Variants in HTR3A observed in about 807,000 individuals in gnomAD.
HTR3A encodes the protein 5-hydroxytryptamine receptor 3A.
HTR3A carries 45 observed loss-of-function variants against 54.8 expected under a neutral mutation model. The observed-to-expected ratio is 0.82, with a 90% CI of 0.65 to 1.05. The LOEUF is 1.05. Ranked by LOEUF, HTR3A falls within the 50% of genes least tolerant of loss-of-function variation. The pLI is 0.00. For synonymous variants in HTR3A, 297 were observed against 256.0 expected (o/e 1.16, Z -1.53); for missense variants, 657 against 614.0 (o/e 1.07, Z -0.74).
chr11:113,979,122 A>T, intron 2 of HTR3A, 111 bp from the exon 3 acceptor site: 1 of 859,132 alleles, frequency 1.2e-6, no homozygotes, highest in Admixed American at 1.8e-5. Flanking sequence ...CTTCACTTTC[A>T]CTTCCCAAAG....
rs1357758202 is a variant in HTR3A at position 113,989,987 on chromosome 11, C to T, written c.*224C>T. ...TCAAGGCCCTTACACCCTTGTCCCA[C>T]CCCCAGCAGCTCACCATGGCTTTAA... On this transcript the variant is annotated 3_prime_UTR_variant, in exon 9 of 9. Transcript: ENST00000504030. The surrounding 1 kb of genome is among the most constrained non-coding windows in gnomAD (Gnocchi z 4.4). 5.8e-6 allele frequency: 4 copies of T among 685,320 alleles called. No individual in the cohort carries two copies. Among genetic ancestry groups the T allele is most frequent in the Non-Finnish European group, 1.1e-5 (4 of 376,718 alleles). 42.5% of individuals were successfully genotyped at this position (685,320 alleles called of 1,614,324 possible).
chr11:113,978,670 A>G lies in HTR3A; in HGVS notation c.220-563A>G, dbSNP rs935260140. 1.4e-4 allele frequency among the ~76,000 whole-genome samples: 21 copies of G among 152,316 alleles called. No homozygotes were observed. The East Asian group carries it at 4.1e-3, about 29-fold the overall frequency. Reference sequence around the variant, plus strand: ...ACAGACGTAAGACACTGCTCCCGGCATTATATGTATATTAGAAGTTGAAAC... The same window carrying G: ...ACAGACGTAAGACACTGCTCCCGGCGTTATATGTATATTAGAAGTTGAAAC... On this transcript the variant is annotated intron_variant, in intron 2 of 8. Transcript: ENST00000504030.
At chr11:113,980,202 C>T (rs1438314479) in intron 3 of HTR3A, among the ~76,000 whole-genome samples, 2 of 152,220 alleles carry the variant, frequency 1.3e-5, no homozygotes, top group Non-Finnish European at 2.9e-5. Flanking sequence ...ACCTCTGGAG[C>T]TCTAGGGCCA....
At chr11:113,984,140 C>T (rs1454621717) in intron 5 of HTR3A, among the ~76,000 whole-genome samples, 8 of 152,184 alleles carry the variant, frequency 5.3e-5, no homozygotes, top group Admixed American at 5.2e-4. Context: ...CCCAACCACA[C>T]CTAGCCTGGC....
At chr11:113,975,480 G>A in intron 1 of HTR3A, 88 bp downstream of exon 1, 1 of 1,114,280 alleles carries the variant, frequency 9.0e-7, no homozygotes, top group Non-Finnish European at 1.3e-6. Flanking sequence ...GGGCTGTGGA[G>A]AGGAGGGTGG....
At position 113,983,004 on chromosome 11, in the gene HTR3A, C is replaced by T. The variant is rs546046517; in HGVS notation, c.375-116C>T. 22 of 1,192,182 alleles carry T rather than the reference C, an allele frequency of 1.8e-5. 1 individual carries two copies. The highest frequency in any genetic ancestry group is 7.4e-5 in the South Asian group (6 of 80,660). The allele number at this position is 1,192,182 out of a possible 1,614,324, so 73.9% of individuals were successfully genotyped here. A position where few individuals can be genotyped will look rare whatever the true frequency, so the allele number is the denominator to read the frequency against. On this transcript the variant is annotated intron_variant, in intron 4 of 8. Coordinates refer to ENST00000504030, the MANE Select transcript of HTR3A (RefSeq NM_000869.6). ...GGCCAGGCAAAACATCCAGGTTATCCGGCTGCCTATACCCTCCCCGAACTT... is the reference window on the plus strand; with the variant it reads ...GGCCAGGCAAAACATCCAGGTTATCTGGCTGCCTATACCCTCCCCGAACTT...
chr11:113,981,022 A>G, intron 3 of HTR3A, 181 bp from the exon 4 acceptor site: 1 of 621,896 alleles, frequency 1.6e-6, no homozygotes, highest in Non-Finnish European at 2.9e-6. Flanking sequence ...GCAGAGTGTG[A>G]ATGAAGAGGT....
intron 3 of HTR3A, among the ~76,000 whole-genome samples, chr11:113,980,406 G>A (rs927638463): frequency 1.3e-4 from 20 of 152,370 alleles, no homozygotes; most frequent in African/African-American, 3.8e-4. Context: ...AGGACAAGGT[G>A]CTAACTATGG....
intron 8 of HTR3A, among the ~76,000 whole-genome samples, chr11:113,988,998 G>A (rs1950522474): frequency 6.6e-6 from 1 of 152,052 alleles, no homozygotes; most frequent in African/African-American, 2.4e-5. Flanking sequence ...CAGTCATACT[G>A]GTTTTTCAAT....
chr11:113,978,027 C>T, intron 2 of HTR3A, 105 bp downstream of exon 2: 1 of 1,343,556 alleles, frequency 7.4e-7, no homozygotes, highest in Non-Finnish European at 1.1e-6. Flanking sequence ...TTTGAGAACC[C>T]ATAGGACCTA....
chr11:113,979,390 CA>C lies in HTR3A; in HGVS notation c.264+114del, dbSNP rs565764623. On this transcript the variant is annotated intron_variant, in intron 3 of 8. Coordinates refer to ENST00000504030, the MANE Select transcript of HTR3A (RefSeq NM_000869.6). ...GAAGGTGAGCGGAGAGGCTGAGGGG[CA>C]CCCTCAGCCTGAGATCCAGGAGTGT... The C allele has an allele frequency of 4.8e-3, 3,794 of 788,656 alleles. 16 individuals carry two copies. The highest frequency in any genetic ancestry group is 6.6e-3 in the Non-Finnish European group (2,970 of 447,942). 48.9% of individuals were successfully genotyped at this position (788,656 alleles called of 1,614,324 possible).
chr11:113,976,569 G>GTT (rs1555114706), intron 1 of HTR3A, among the ~76,000 whole-genome samples: 1 of 55,608 alleles, frequency 1.8e-5, no homozygotes, highest in East Asian at 6.1e-4. Context: ...TTAAAAAATA[G>GTT]TTTGTGTGTG....
chr11:113,979,930 G>T (rs1224386195), intron 3 of HTR3A, among the ~76,000 whole-genome samples: 1 of 152,192 alleles, frequency 6.6e-6, no homozygotes, highest in African/African-American at 2.4e-5. Context: ...GCTCACAGAG[G>T]TCATGCCCAA....
Position 113,989,860 on chromosome 11 carries a change from C to T in HTR3A, c.*97C>T, listed in dbSNP as rs1000771764. 7.5e-7 allele frequency: 1 copy of T among 1,327,930 alleles called. No homozygotes were observed. The highest frequency in any genetic ancestry group is 1.1e-6 in the Non-Finnish European group (1 of 934,296). The allele number at this position is 1,327,930 out of a possible 1,614,324, so 82.3% of individuals were successfully genotyped here. On this transcript the variant is annotated 3_prime_UTR_variant, in exon 9 of 9. Coordinates refer to ENST00000504030, the MANE Select transcript of HTR3A (RefSeq NM_000869.6). This position sits in a 1 kb window ranked among gnomAD's most constrained non-coding sequence, Gnocchi z 4.4. ...CTCAGGACCCAGGGAATGCCAGGGACATTTTCAAGACACAGACAAAGTCCC... is the reference window on the plus strand; with the variant it reads ...CTCAGGACCCAGGGAATGCCAGGGATATTTTCAAGACACAGACAAAGTCCC...
chr11:113,987,131 C>A, intron 8 of HTR3A, 85 bp downstream of exon 8: 1 of 1,400,038 alleles, frequency 7.1e-7, no homozygotes, highest in Non-Finnish European at 9.9e-7. Context: ...CGTGGCCTGC[C>A]AAGGAGGTGC....
In HTR3A at chr11:113,990,282, G is replaced by C. The variant is rs933095503; in HGVS notation, c.*519G>C. The C allele has an allele frequency of 9.6e-5, 42 of 435,308 alleles. No homozygotes were observed. Among genetic ancestry groups the C allele is most frequent in the African/African-American group, 8.3e-4 (41 of 49,372 alleles). 27.0% of individuals were successfully genotyped at this position (435,308 alleles called of 1,614,324 possible). A position where few individuals can be genotyped will look rare whatever the true frequency, so the allele number is the denominator to read the frequency against. ...ACTCATCCCCCATCAGATGATGGGA[G>C]TGGGAAGAATAAAATGCAGTGAAAC... On this transcript the variant is annotated 3_prime_UTR_variant, in exon 9 of 9. Transcript: ENST00000504030.
intron 4 of HTR3A, among the ~76,000 whole-genome samples, chr11:113,982,200 C>T (rs184377477): frequency 1.3e-5 from 2 of 152,276 alleles, no homozygotes; most frequent in African/African-American, 2.4e-5. Flanking sequence ...TCATTCAGGG[C>T]CCACCAACTG....
rs1950523334 is a variant in HTR3A at position 113,989,122 on chromosome 11, G to A, written c.1139-343G>A. 6.6e-6 allele frequency among the ~76,000 whole-genome samples: 1 copy of A among 151,990 alleles called. No homozygotes were observed. The highest frequency in any genetic ancestry group is 1.5e-5 in the Non-Finnish European group (1 of 68,022). On this transcript the variant is annotated intron_variant, in intron 8 of 8. Transcript: ENST00000504030. This position sits in a 1 kb window ranked among gnomAD's most constrained non-coding sequence, Gnocchi z 4.4. Reference sequence around the variant, plus strand: ...CACCTGTAATCCCAGCACCACGGGAGGCCAAAGTAGGCGGATCACTTGAGG... The same window carrying A: ...CACCTGTAATCCCAGCACCACGGGAAGCCAAAGTAGGCGGATCACTTGAGG...
At position 113,983,101 on chromosome 11, in the gene HTR3A, A is replaced by G; in HGVS notation, c.375-19A>G. ...CCCTGTCTCTTGAGCTCCCAAACTA[A>G]CCCCTTTTCCCCCGCCAGCGTGGAT... On this transcript the variant is annotated intron_variant, in intron 4 of 8. Transcript: ENST00000504030. 1 of 1,613,720 alleles carries G rather than the reference A, an allele frequency of 6.2e-7. No individual in the cohort carries two copies. Among genetic ancestry groups the G allele is most frequent in the Non-Finnish European group, 8.5e-7 (1 of 1,179,936 alleles).
Sources: allele counts gnomAD v4.1 joint callset (sites outside exome capture counted in the v4.1 genomes callset), GRCh38; gene constraint gnomAD v4.1.1; non-coding constraint Gnocchi (gnomAD v3.1); transcripts MANE v1.5; gene names NCBI Gene and HGNC (gene_info 2026-07-23, HGNC 2026-07-21).